The following POU2F1 variants were observed in gnomAD, a reference collection of about 807,000 sequenced individuals.
POU2F1 encodes the protein POU class 2 homeobox 1, also known as POU domain, class 2, transcription factor 1.
POU2F1 carries 16 observed loss-of-function variants against 84.9 expected under a neutral mutation model. That is an observed-to-expected ratio of 0.19 (90% CI 0.13 to 0.29). POU2F1 has a LOEUF of 0.29. Among genes scored for constraint, POU2F1 ranks in the 10% least tolerant of loss-of-function variants. The probability of loss-of-function intolerance (pLI) is 1.00; values close to 1 mark genes in which losing one functional copy is unlikely to be tolerated. For synonymous variants in POU2F1, 368 were observed against 368.3 expected (o/e 1.00, Z 0.01); for missense variants, 738 against 942.6 (o/e 0.78, Z 2.84).
At chr1:167,398,580 A>C (rs1408094809) in intron 11 of POU2F1, among the ~76,000 whole-genome samples, 1 of 152,182 alleles carries the variant, frequency 6.6e-6, no homozygotes, top group Non-Finnish European at 1.5e-5. Flanking sequence ...TTGGGACTGG[A>C]ACACTAGAGA....
chr1:167,365,423 A>G (rs764493456), intron 2 of POU2F1, 44 bp from the exon 3 acceptor site: 1 of 1,421,192 alleles, frequency 7.0e-7, no homozygotes, highest in Non-Finnish European at 9.6e-7. Flanking sequence ...GCTTTATTTC[A>G]TTTATTTCTT....
intron 2 of POU2F1, among the ~76,000 whole-genome samples, chr1:167,359,896 T>TG (rs1459603663): frequency 1.3e-5 from 2 of 150,932 alleles, no homozygotes; most frequent in African/African-American, 4.9e-5. Flanking sequence ...TAGTGTGAGA[T>TG]GGTATCTCAT....
chr1:167,394,300 T>C (rs921478664), intron 9 of POU2F1, among the ~76,000 whole-genome samples: 4 of 152,138 alleles, frequency 2.6e-5, no homozygotes, highest in Admixed American at 6.5e-5. Flanking sequence ...GGATTACAGT[T>C]GTGAGCCACC....
At chr1:167,392,536 T>G (rs1361602704) in intron 9 of POU2F1, among the ~76,000 whole-genome samples, 1 of 152,208 alleles carries the variant, frequency 6.6e-6, no homozygotes, top group Non-Finnish European at 1.5e-5. Context: ...CCAAAGATGT[T>G]AAGGCTTTTA....
chr1:167,386,236 A>G (rs1283392315), intron 8 of POU2F1, among the ~76,000 whole-genome samples: 3 of 152,230 alleles, frequency 2.0e-5, no homozygotes, highest in African/African-American at 7.2e-5. Flanking sequence ...TCTGTCACCC[A>G]GGCTGGAGTG....
chr1:167,234,249 C>G (rs1488787124), intron 1 of POU2F1, among the ~76,000 whole-genome samples: 2 of 152,142 alleles, frequency 1.3e-5, no homozygotes, highest in Admixed American at 6.5e-5. Flanking sequence ...ATTGTGTGCT[C>G]TAGAATCAAT....
Position 167,374,282 on chromosome 1 carries a change from A to T in POU2F1, c.577A>T (p.Ile193Leu), listed in dbSNP as rs1215622319. The T allele has an allele frequency of 6.2e-7, 1 of 1,602,244 alleles. No homozygotes were observed. The highest frequency in any genetic ancestry group is 8.5e-7 in the Non-Finnish European group (1 of 1,174,776). Residue 193 changes from isoleucine (I) to leucine (L), a missense_variant, in exon 6 of 16, where the codon ATA becomes TTA. By Grantham distance (5) the Ile-to-Leu change is conservative. This residue lies in a region of POU2F1 where 163 missense variants were observed against 214.4 expected (regional missense o/e 0.76). Coordinates refer to ENST00000367866, the MANE Select transcript of POU2F1 (RefSeq NM_002697.4). ...PMTQIPLSQP[I>L]QIAQDLQQLQ... ...GACGCAGATCCCCCTGTCTCAGCCC[A>T]TACAGATCGCACAGGTGAGTGAGGA...
chr1:167,285,292 T>A (rs985971407), intron 1 of POU2F1, among the ~76,000 whole-genome samples: 1 of 152,222 alleles, frequency 6.6e-6, no homozygotes, highest in Non-Finnish European at 1.5e-5. Context: ...AATGGCGATA[T>A]GTACTTTAGA....
intron 2 of POU2F1, among the ~76,000 whole-genome samples, chr1:167,362,425 G>C (rs2101821235): frequency 6.6e-6 from 1 of 152,342 alleles, no homozygotes; most frequent in East Asian, 1.9e-4. Flanking sequence ...CCTAGAGACA[G>C]GAGGCACAGC....
At chr1:167,224,861 C>T (rs1247358293) in intron 1 of POU2F1, among the ~76,000 whole-genome samples, 2 of 139,324 alleles carry the variant, frequency 1.4e-5, no homozygotes, top group African/African-American at 5.5e-5. Context: ...CAGAGTCTTG[C>T]TCTGTCTCCC....
At chr1:167,306,868 G>A (rs1411654634) in intron 1 of POU2F1, among the ~76,000 whole-genome samples, 3 of 152,074 alleles carry the variant, frequency 2.0e-5, no homozygotes, top group African/African-American at 2.4e-5. Context: ...CACTAAGGTC[G>A]TATTTACAGG....
At chr1:167,393,944 T>A (rs1459739991) in intron 9 of POU2F1, among the ~76,000 whole-genome samples, 4 of 152,210 alleles carry the variant, frequency 2.6e-5, no homozygotes, top group African/African-American at 9.6e-5. Context: ...ATGCTTGACA[T>A]ATAGTAGGCA....
chr1:167,413,004 G>A lies in POU2F1; in HGVS notation c.1902-22G>A. On this transcript the variant is annotated intron_variant, in intron 14 of 15. Transcript: ENST00000367866. ...ACCTGCGTCTGCATGGTAATAAAGT[G>A]ACTCCTCTTTTGGACTTGCAGAGGT... 3 of 1,598,640 alleles carry A rather than the reference G, an allele frequency of 1.9e-6. No homozygotes were observed. The South Asian group carries it at 3.3e-5, about 18-fold the overall frequency.
At chr1:167,295,564 TACA>T (rs1654237664) in intron 1 of POU2F1, among the ~76,000 whole-genome samples, 1 of 152,218 alleles carries the variant, frequency 6.6e-6, no homozygotes, top group Non-Finnish European at 1.5e-5. Flanking sequence ...ACATAATGGT[TACA>T]ACATCACTAT....
chr1:167,317,434 C>CAG (rs981407201), intron 1 of POU2F1, among the ~76,000 whole-genome samples: 2 of 152,136 alleles, frequency 1.3e-5, no homozygotes, highest in African/African-American at 4.8e-5. Flanking sequence ...CACACACACA[C>CAG]AAATATAGAG....
At chr1:167,273,480 C>T (rs967396718) in intron 1 of POU2F1, among the ~76,000 whole-genome samples, 6 of 152,244 alleles carry the variant, frequency 3.9e-5, no homozygotes, top group Admixed American at 6.5e-5. Context: ...CATACATCCT[C>T]TGAAATCTAG....
At chr1:167,335,313 G>A (rs1470327725) in intron 2 of POU2F1, among the ~76,000 whole-genome samples, 1 of 152,136 alleles carries the variant, frequency 6.6e-6, no homozygotes, top group Non-Finnish European at 1.5e-5. Context: ...AATTCAAGAG[G>A]AGGTACAGAA....
At chr1:167,221,245 A>G (rs1648124919) in intron 1 of POU2F1, among the ~76,000 whole-genome samples, 1 of 150,744 alleles carries the variant, frequency 6.6e-6, no homozygotes, top group South Asian at 2.1e-4. Flanking sequence ...GCCCGTCGGC[A>G]CCGGCCCTCC....
intron 1 of POU2F1, among the ~76,000 whole-genome samples, chr1:167,242,624 C>G (rs1649995116): frequency 6.6e-6 from 1 of 152,160 alleles, no homozygotes; most frequent in Admixed American, 6.5e-5. Context: ...ATAATTTTAC[C>G]TATTTACCTT....
Sources: gnomAD v4.1 joint callset for allele counts (sites outside exome capture counted in the v4.1 genomes callset) on GRCh38, gnomAD v4.1.1 for gene constraint, gnomAD v4.1.1 regional missense constraint, MANE v1.5 for transcripts, NCBI Gene and HGNC (gene_info 2026-07-23, HGNC 2026-07-21) for gene names.